Variants in COPG2 observed in about 807,000 individuals in gnomAD.
COPG2 encodes the protein coat protein complex I subunit gamma 2, also known as coatomer subunit gamma-2.
In COPG2, 37 loss-of-function variants were observed where a neutral mutation model predicts 46.3. That is an observed-to-expected ratio of 0.80 (90% confidence interval 0.61 to 1.05). The LOEUF (loss-of-function observed/expected upper bound fraction) is 1.05. COPG2 is among the 50% of genes least tolerant of loss of function. The pLI is 0.00. For synonymous variants in COPG2, 159 were observed against 129.7 expected (o/e 1.23, Z -1.53); for missense variants, 427 against 387.8 (o/e 1.10, Z -0.85).
intron 14 of COPG2, among the ~76,000 whole-genome samples, chr7:130,554,092 G>T (rs1418490928): frequency 6.6e-6 from 1 of 152,118 alleles, no homozygotes; most frequent in African/African-American, 2.4e-5. Context: ...CTAGTGAAAA[G>T]CTCATAGACA....
chr7:130,651,494 A>ATTTTTTTTTTTTTTTT (rs59572019), intron 5 of COPG2, among the ~76,000 whole-genome samples: 3 of 57,240 alleles, frequency 5.2e-5, no homozygotes, highest in East Asian at 5.5e-4. Context: ...ATTTTTTTGT[A>ATTTTTTTTTTTTTTTT]TTTTTTTTTT....
chr7:130,586,226 C>T (rs1794265757), intron 9 of COPG2, among the ~76,000 whole-genome samples: 1 of 151,970 alleles, frequency 6.6e-6, no homozygotes, highest in African/African-American at 2.4e-5. Flanking sequence ...AATTGAAAAC[C>T]AAACATTGTA....
intron 20 of COPG2, among the ~76,000 whole-genome samples, chr7:130,540,671 T>C (rs1254173767): frequency 6.6e-6 from 1 of 151,962 alleles, no homozygotes; most frequent in African/African-American, 2.4e-5. Flanking sequence ...ATGAGATGTG[T>C]TAAGTGGGAA....
chr7:130,591,805 C>T (rs1278477136), intron 9 of COPG2, among the ~76,000 whole-genome samples: 16 of 150,904 alleles, frequency 1.1e-4, no homozygotes, highest in African/African-American at 2.4e-4. Context: ...CCCGGCCAGC[C>T]GCCCCATCCG....
chr7:130,541,663 A>G (rs1799939148), intron 20 of COPG2, among the ~76,000 whole-genome samples: 1 of 151,922 alleles, frequency 6.6e-6, no homozygotes, highest in Non-Finnish European at 1.5e-5. Context: ...TGAGAAAAGA[A>G]TCAGGAAGGT....
At chr7:130,666,552 G>C (rs1039802910) in intron 3 of COPG2, among the ~76,000 whole-genome samples, 1 of 152,098 alleles carries the variant, frequency 6.6e-6, no homozygotes, top group African/African-American at 2.4e-5. Flanking sequence ...CTGGATTTCA[G>C]ATACTCAGAT....
chr7:130,509,087 T>C (rs376985555), intron 20 of COPG2: 76 of 454,298 alleles, frequency 1.7e-4, no homozygotes, highest in Admixed American at 1.3e-3. Context: ...CAGATTAACA[T>C]TGACCAATCT....
chr7:130,591,108 C>T (rs1277434854), intron 9 of COPG2, among the ~76,000 whole-genome samples: 11 of 129,008 alleles, frequency 8.5e-5, no homozygotes, highest in African/African-American at 2.4e-4. Flanking sequence ...GTCAGCCCCC[C>T]GCCCGGCCAG....
At chr7:130,605,290 G>A (rs1554451069) in intron 9 of COPG2, 1 of 518,332 alleles carries the variant, frequency 1.9e-6, no homozygotes, top group Admixed American at 2.0e-5. Context: ...TATTGCACTT[G>A]CTGGGGCAGA....
chr7:130,652,823 A>T, intron 5 of COPG2, 46 bp downstream of exon 5: 1 of 1,217,638 alleles, frequency 8.2e-7, no homozygotes, highest in Non-Finnish European at 1.2e-6. Context: ...GAAAGCAAAC[A>T]GCAAATATAT....
intron 5 of COPG2, among the ~76,000 whole-genome samples, chr7:130,632,676 G>T (rs1207315531): frequency 6.6e-6 from 1 of 151,524 alleles, no homozygotes; most frequent in African/African-American, 2.4e-5. Context: ...TATTTCTACT[G>T]GTTTATCTTT....
At position 130,554,610 on chromosome 7, in the gene COPG2, C is replaced by T. The variant is rs1241463735; in HGVS notation, c.1339G>A (p.Glu447Lys). 1 of 398,456 alleles carries T rather than the reference C, an allele frequency of 2.5e-6. No homozygotes were observed. The highest frequency in any genetic ancestry group is 4.4e-6 in the Non-Finnish European group (1 of 226,068). 24.7% of individuals were successfully genotyped at this position (398,456 alleles called of 1,614,324 possible). The change falls in exon 14 of 24, where the codon GAA becomes AAA. Residue 447 changes from glutamate to lysine, a missense_variant. By Grantham distance (56) the Glu-to-Lys change is moderately conservative. Coordinates refer to ENST00000425248, the MANE Select transcript of COPG2 (RefSeq NM_012133.6). ...ATCTTAGTAGCCAGAACAGTGTGTT[C>T]ACAGTCCTCAATGAATTCACAAAGG... ...AHLCEFIEDC[E>K]HTVLATKILH...
intron 9 of COPG2, among the ~76,000 whole-genome samples, chr7:130,579,203 TAAAGA>T (rs1794081002): frequency 7.5e-6 from 1 of 133,262 alleles, no homozygotes. Flanking sequence ...TCAACATTCT[TAAAGA>T]AAAGAATTTT....
intron 9 of COPG2, among the ~76,000 whole-genome samples, chr7:130,589,860 G>C (rs1222990006): frequency 6.6e-6 from 1 of 152,080 alleles, no homozygotes; most frequent in African/African-American, 2.4e-5. Context: ...TCTCCATCAG[G>C]ATATCTTTTC....
intron 5 of COPG2, among the ~76,000 whole-genome samples, chr7:130,641,758 GT>G (rs1795493913): frequency 6.6e-6 from 1 of 152,102 alleles, no homozygotes; most frequent in Non-Finnish European, 1.5e-5. Context: ...AAATAGAAAA[GT>G]TGTTTCGGGC....
chr7:130,557,536 G>A (rs1284127699), intron 12 of COPG2, among the ~76,000 whole-genome samples: 1 of 152,122 alleles, frequency 6.6e-6, no homozygotes, highest in Middle Eastern at 3.2e-3. Context: ...GCTGGGCATG[G>A]TGGCTCATGC....
At chr7:130,614,206 A>G (rs1554452541) in intron 6 of COPG2, among the ~76,000 whole-genome samples, 2 of 152,224 alleles carry the variant, frequency 1.3e-5, no homozygotes. Flanking sequence ...GTGGCAGATA[A>G]AGATGAGTAA....
chr7:130,652,971 T>C, intron 4 of COPG2, 23 bp from the exon 5 acceptor site: 3 of 1,466,050 alleles, frequency 2.0e-6, no homozygotes, highest in South Asian at 1.2e-5. Context: ...TTATAAAAGG[T>C]AACAGATTAT....
intron 9 of COPG2, among the ~76,000 whole-genome samples, chr7:130,573,713 C>A (rs1413732185): frequency 3.9e-5 from 6 of 151,980 alleles, no homozygotes; most frequent in African/African-American, 1.5e-4. Context: ...AAATCTAACA[C>A]CCATGCGTGA....
Sources: allele counts gnomAD v4.1 joint callset (sites outside exome capture counted in the v4.1 genomes callset), GRCh38; gene constraint gnomAD v4.1.1; transcripts MANE v1.5; gene names NCBI Gene and HGNC (gene_info 2026-07-23, HGNC 2026-07-21).